Variants in GABRG3 observed in about 807,000 individuals in gnomAD.
GABRG3 encodes gamma-aminobutyric acid receptor subunit gamma-3.
In GABRG3, 25 loss-of-function variants were observed where a neutral mutation model predicts 48.8. The ratio of observed to expected loss-of-function variants is 0.51; its 90% CI spans 0.37 to 0.72. The LOEUF is 0.72. Ranked by LOEUF, GABRG3 falls within the 30% of genes least tolerant of loss-of-function variation. The probability of loss-of-function intolerance (pLI) is 0.00; values close to 1 mark genes in which losing one functional copy is unlikely to be tolerated. For missense variants in GABRG3, 394 were observed against 577.9 expected, an observed-to-expected ratio of 0.68 and a Z score of 3.26; for synonymous variants, 227 against 217.6, an observed-to-expected ratio of 1.04 and a Z score of -0.38.
At chr15:27,060,506 TTC>T (rs1273481529) in intron 3 of GABRG3, among the ~76,000 whole-genome samples, 1 of 152,232 alleles carries the variant, frequency 6.6e-6, no homozygotes, top group Non-Finnish European at 1.5e-5. Flanking sequence ...GCTTTAGAAG[TTC>T]CCTGAGACTT....
At chr15:27,417,006 T>C (rs1014478845) in intron 5 of GABRG3, among the ~76,000 whole-genome samples, 1 of 152,228 alleles carries the variant, frequency 6.6e-6, no homozygotes, top group Admixed American at 6.5e-5. Flanking sequence ...TAAAATAAAG[T>C]AATCAACCCC....
chr15:27,323,015 C>T (rs1044967408), intron 3 of GABRG3, among the ~76,000 whole-genome samples: 2 of 152,062 alleles, frequency 1.3e-5, no homozygotes, highest in Non-Finnish European at 2.9e-5. Context: ...TGTGTTCTCC[C>T]GATCTCATAC....
intron 3 of GABRG3, among the ~76,000 whole-genome samples, chr15:27,296,289 G>T (rs6606898): frequency 0.95 from 143,954 of 152,282 alleles, 68,316 homozygotes; most frequent in African/African-American, 0.99. Context: ...TTAACTGACT[G>T]AAAAAGAAGT....
intron 5 of GABRG3, among the ~76,000 whole-genome samples, chr15:27,427,829 C>G (rs1888336378): frequency 6.6e-6 from 1 of 152,162 alleles, no homozygotes; most frequent in East Asian, 1.9e-4. Flanking sequence ...TACATCCCTC[C>G]CATCCTCTGG....
At chr15:27,349,347 C>T (rs894718371) in intron 5 of GABRG3, among the ~76,000 whole-genome samples, 3 of 152,056 alleles carry the variant, frequency 2.0e-5, no homozygotes, top group Non-Finnish European at 4.4e-5. Flanking sequence ...TGGGCCTGAA[C>T]GTAAAATGAA....
chr15:26,999,645 C>G (rs931761748), intron 2 of GABRG3, among the ~76,000 whole-genome samples: 2 of 151,938 alleles, frequency 1.3e-5, no homozygotes, highest in South Asian at 4.1e-4. Context: ...AGATTTTTGG[C>G]TTCGTACTTT....
At chr15:27,442,659 A>G (rs761902927) in intron 5 of GABRG3, among the ~76,000 whole-genome samples, 26 of 152,178 alleles carry the variant, frequency 1.7e-4, no homozygotes, top group Non-Finnish European at 2.9e-4. Context: ...TCTCTTCCAC[A>G]TATTCTGCCG....
At chr15:27,501,351 A>G (rs921264599) in intron 6 of GABRG3, among the ~76,000 whole-genome samples, 2 of 152,130 alleles carry the variant, frequency 1.3e-5, no homozygotes, top group Admixed American at 6.5e-5. Context: ...TGTAACCAGA[A>G]CAGACTCTTT....
chr15:27,037,449 G>C (rs1198942009), intron 3 of GABRG3, among the ~76,000 whole-genome samples: 2 of 152,184 alleles, frequency 1.3e-5, no homozygotes, highest in African/African-American at 4.8e-5. Flanking sequence ...CTGTCTTATA[G>C]ACTAAGAGTT....
chr15:27,309,246 A>G (rs1892911411), intron 3 of GABRG3, among the ~76,000 whole-genome samples: 2 of 151,712 alleles, frequency 1.3e-5, no homozygotes, highest in South Asian at 4.1e-4. Context: ...ATTTATATAT[A>G]AACACACATA....
At chr15:27,441,882 A>C (rs1183962765) in intron 5 of GABRG3, among the ~76,000 whole-genome samples, 1 of 152,142 alleles carries the variant, frequency 6.6e-6, no homozygotes, top group African/African-American at 2.4e-5. Context: ...ACATTTCAAC[A>C]AGGTTTGCTA....
chr15:27,456,183 C>A (rs1319079450), intron 5 of GABRG3, among the ~76,000 whole-genome samples: 1 of 152,192 alleles, frequency 6.6e-6, no homozygotes, highest in African/African-American at 2.4e-5. Context: ...CACCTCCCTG[C>A]CTGCTTGGGC....
At chr15:27,446,274 A>G (rs139762570) in intron 5 of GABRG3, among the ~76,000 whole-genome samples, 1 of 152,216 alleles carries the variant, frequency 6.6e-6, no homozygotes, top group African/African-American at 2.4e-5. Context: ...TGATCAATGA[A>G]CATAGTATAC....
chr15:27,307,894 A>T (rs970329083), intron 3 of GABRG3, among the ~76,000 whole-genome samples: 2 of 137,196 alleles, frequency 1.5e-5, no homozygotes, highest in African/African-American at 5.1e-5. Flanking sequence ...TATATAAAAT[A>T]TATATAAAAT....
At chr15:27,271,579 G>A (rs1891090889) in intron 3 of GABRG3, 1 of 440,738 alleles carries the variant, frequency 2.3e-6, no homozygotes, top group African/African-American at 2.3e-5. Context: ...GATGGCTGCT[G>A]GGTATGCAAC....
At chr15:27,167,410 A>G (rs1456473811) in intron 3 of GABRG3, among the ~76,000 whole-genome samples, 1 of 152,230 alleles carries the variant, frequency 6.6e-6, no homozygotes, top group African/African-American at 2.4e-5. Flanking sequence ...CCCAAGGTGC[A>G]AAAACCAAAA....
At position 27,490,825 on chromosome 15, in the gene GABRG3, C is replaced by T. The variant is rs541296579; in HGVS notation, c.712+10038C>T. Among the ~76,000 whole-genome samples the T allele has an allele frequency of 5.3e-5, 8 of 152,340 alleles. No homozygotes were observed. In the South Asian group the frequency reaches 1.7e-3, roughly 32 times the overall value. ...TTATCTTTTAGACTCATTTGCTAAA[C>T]AACTGACAGAGACAGGAGCATGGAA... On this transcript the variant is annotated intron_variant, in intron 6 of 9. Transcript: ENST00000615808.
intron 9 of GABRG3, among the ~76,000 whole-genome samples, chr15:27,529,862 G>T (rs1165155313): frequency 7.6e-6 from 1 of 131,940 alleles, no homozygotes; most frequent in Non-Finnish European, 1.6e-5. Context: ...GACAGAAAAA[G>T]ATATTATCAC....
At chr15:27,357,637 A>G (rs911248728) in intron 5 of GABRG3, among the ~76,000 whole-genome samples, 4 of 152,208 alleles carry the variant, frequency 2.6e-5, no homozygotes, top group Admixed American at 2.6e-4. Flanking sequence ...TTTTGCAAAT[A>G]TCTTTAATGT....
Sources: allele counts gnomAD v4.1 joint callset (sites outside exome capture counted in the v4.1 genomes callset), GRCh38; gene constraint gnomAD v4.1.1; transcripts MANE v1.5; gene names NCBI Gene and HGNC (gene_info 2026-07-23, HGNC 2026-07-21).